The following BTN3A2 variants were observed in gnomAD, a reference collection of about 807,000 sequenced individuals.
BTN3A2 encodes butyrophilin protein.
BTN3A2 carries 25 observed loss-of-function variants against 37.6 expected under a neutral mutation model. The observed-to-expected ratio is 0.66, with a 90% CI of 0.48 to 0.93. BTN3A2 has a LOEUF of 0.93. Ranked by LOEUF, BTN3A2 falls within the 40% of genes least tolerant of loss-of-function variation. The pLI, the probability that BTN3A2 is intolerant of heterozygous loss-of-function variation, is 0.00. For missense variants in BTN3A2, 266 were observed against 410.9 expected (o/e 0.65, Z 3.05); for synonymous variants, 122 against 159.4 (o/e 0.77, Z 1.77).
chr6:26,375,597 G>T (rs1187046693), intron 10 of BTN3A2, 200 bp from the exon 11 acceptor site: 5 of 1,492,580 alleles, frequency 3.3e-6, no homozygotes, highest in Non-Finnish European at 4.5e-6. Flanking sequence ...GATTCCTGGG[G>T]TCCAGAAGAG....
chr6:26,365,266 G>A lies in BTN3A2; in HGVS notation c.-153G>A. On this transcript the variant is annotated 5_prime_UTR_variant, in exon 1 of 11. Coordinates refer to ENST00000377708, the MANE Select transcript of BTN3A2 (RefSeq NM_007047.5). ...TCTTTTTCCTTTCTTCCGGATGAGA[G>A]GCTAAGCCATAATAGAAAGAATGGA... is the stretch of plus-strand genomic sequence containing the variant. The A allele has an allele frequency of 1.3e-6, 2 of 1,511,702 alleles. No individual in the cohort carries two copies. 93.6% of individuals were successfully genotyped at this position (1,511,702 alleles called of 1,614,324 possible).
chr6:26,371,846 T>G (rs1760148315), intron 5 of BTN3A2, among the ~76,000 whole-genome samples: 1 of 152,152 alleles, frequency 6.6e-6, no homozygotes. Flanking sequence ...ACCCAGCTAA[T>G]TTTTGTATTT....
intron 4 of BTN3A2, among the ~76,000 whole-genome samples, chr6:26,369,173 A>T (rs1284047417): frequency 6.6e-6 from 1 of 152,180 alleles, no homozygotes; most frequent in Non-Finnish European, 1.5e-5. Flanking sequence ...AGGACGAGGG[A>T]TAGGAAGCAT....
chr6:26,374,298 G>A (rs769344910), intron 8 of BTN3A2, 29 bp from the exon 9 acceptor site: 4 of 1,584,848 alleles, frequency 2.5e-6, no homozygotes, highest in Non-Finnish European at 3.4e-6. Flanking sequence ...CAGAGTTCTG[G>A]TGACACCTCT....
chr6:26,368,550 C>T lies in BTN3A2; in HGVS notation c.86-15C>T, dbSNP rs1759762803. On this transcript the variant is annotated splice_polypyrimidine_tract_variant and intron_variant, in intron 3 of 10. Coordinates refer to ENST00000377708, the MANE Select transcript of BTN3A2 (RefSeq NM_007047.5). ...TCCAAAACCCTCTGATGGAGCTTCC[C>T]CCTTGTGCTGACAGCTCAGTTTTCT... 2.5e-6 allele frequency: 4 copies of T among 1,613,790 alleles called. No homozygotes were observed. Among genetic ancestry groups the T allele is most frequent in the Non-Finnish European group, 3.4e-6 (4 of 1,179,862 alleles).
At chr6:26,373,586 TAGAAAA>T in intron 8 of BTN3A2, 173 bp downstream of exon 8, 1 of 174,168 alleles carries the variant, frequency 5.7e-6, no homozygotes. Flanking sequence ...TTTTTCTCTC[TAGAAAA>T]AAAAAAAAAA....
Position 26,370,618 on chromosome 6 carries a change from G to A in BTN3A2, c.715+15G>A, listed in dbSNP as rs1219804365. ...TTCCATCGCAGGTCAGTACCTGCTT[G>A]GCCTCAGGTTTTCTGAGCTGAGCTG... On this transcript the variant is annotated intron_variant, in intron 5 of 10. Transcript: ENST00000377708. The A allele has an allele frequency of 6.2e-7, 1 of 1,613,376 alleles. No homozygotes were observed. The highest frequency in any genetic ancestry group is 1.7e-5 in the Admixed American group (1 of 59,994).
Position 26,375,843 on chromosome 6 carries a change from A to G in BTN3A2, c.*81A>G. ...GGCTCCACCTTGTTAAATAAATTGG[A>G]TGTATGGAAAAATAGACTGCAGAAA... On this transcript the variant is annotated 3_prime_UTR_variant, in exon 11 of 11. Coordinates refer to ENST00000377708, the MANE Select transcript of BTN3A2 (RefSeq NM_007047.5). 2.6e-6 allele frequency: 4 copies of G among 1,549,388 alleles called. No individual in the cohort carries two copies. The South Asian group carries it at 3.6e-5, about 14-fold the overall frequency.
Position 26,368,841 on chromosome 6 carries a change from G to A in BTN3A2, c.362G>A (p.Ser121Asn). The change falls in exon 4 of 11, where the codon AGT (serine) becomes AAT (asparagine). Residue 121 changes from serine to asparagine, a missense_variant. Physicochemically the swap from Ser to Asn is conservative, Grantham distance 46. Around this residue, in one of 3 missense-constraint regions of BTN3A2, gnomAD observed 15 missense variants for 101.0 expected, o/e 0.15. Transcript: ENST00000377708. ...LRIHNVTASD[S>N]GKYLCYFQDG... is the part of the protein sequence containing the mutation. Reference sequence around the variant, plus strand: ...ATACACAACGTCACAGCCTCTGACAGTGGAAAGTACTTGTGTTATTTCCAA... The same window carrying A: ...ATACACAACGTCACAGCCTCTGACAATGGAAAGTACTTGTGTTATTTCCAA... 6.2e-7 allele frequency: 1 copy of A among 1,605,798 alleles called. No homozygotes were observed.
Position 26,377,311 on chromosome 6 carries a change from T to C in BTN3A2, c.*1549T>C, listed in dbSNP as rs550626861. ...CACACACTGAAGCACTTTACTGATATTCATTCAATTATTCCATAGGACAGT... is the reference window on the plus strand; with the variant it reads ...CACACACTGAAGCACTTTACTGATACTCATTCAATTATTCCATAGGACAGT... On this transcript the variant is annotated 3_prime_UTR_variant, in exon 11 of 11. Coordinates refer to ENST00000377708, the MANE Select transcript of BTN3A2 (RefSeq NM_007047.5). 15 of 710,798 alleles carry C rather than the reference T, an allele frequency of 2.1e-5. No individual in the cohort carries two copies. The highest frequency in any genetic ancestry group is 3.7e-5 in the Non-Finnish European group (15 of 400,540). 44.0% of individuals were successfully genotyped at this position (710,798 alleles called of 1,614,324 possible). A position where few individuals can be genotyped will look rare whatever the true frequency, so the allele number is the denominator to read the frequency against.
rs539931551 is a variant in BTN3A2, at chr6:26,373,588, G to GAAA, written c.964+193_964+195dup. On this transcript the variant is annotated intron_variant, in intron 8 of 10. Transcript: ENST00000377708. ...AACCACCCAGTGCTTTTTCTCTCTA[G>GAAA]AAAAAAAAAAAAAAAAAAAAGAGGT... 175 of 140,968 alleles carry GAAA rather than the reference G, an allele frequency of 1.2e-3. 1 individual carries two copies. The highest frequency in any genetic ancestry group is 4.3e-3 in the African/African-American group (119 of 27,524). 8.7% of individuals were successfully genotyped at this position (140,968 alleles called of 1,614,324 possible).
At chr6:26,367,155 T>C (rs763454334) in intron 1 of BTN3A2, among the ~76,000 whole-genome samples, 2 of 152,314 alleles carry the variant, frequency 1.3e-5, no homozygotes, top group Non-Finnish European at 2.9e-5. Context: ...ACTTAGTATA[T>C]CTCCATTATC....
Position 26,375,850 on chromosome 6 carries a change from G to C in BTN3A2, c.*88G>C. On this transcript the variant is annotated 3_prime_UTR_variant, in exon 11 of 11. Transcript: ENST00000377708. ...CCTTGTTAAATAAATTGGATGTATG[G>C]AAAAATAGACTGCAGAAAAGGGGAA... 6.5e-7 allele frequency: 1 copy of C among 1,548,762 alleles called. No homozygotes were observed. The highest frequency in any genetic ancestry group is 8.7e-7 in the Non-Finnish European group (1 of 1,144,614).
chr6:26,365,456 G>A, intron 1 of BTN3A2, 104 bp downstream of exon 1: 1 of 1,308,472 alleles, frequency 7.6e-7, no homozygotes, highest in Non-Finnish European at 1.1e-6. Flanking sequence ...TACTCTCCCA[G>A]AGAAAGGGGT....
In BTN3A2 at chr6:26,376,471, T is replaced by C; in HGVS notation, c.*709T>C. ...TCAGGGCAGGCTAGGGACACGGGGT[T>C]CTGGAAGGACCTCCTCAGCATGGCC... is the stretch of plus-strand genomic sequence containing the variant. On this transcript the variant is annotated 3_prime_UTR_variant, in exon 11 of 11. Transcript: ENST00000377708. 9.4e-7 allele frequency: 1 copy of C among 1,060,548 alleles called. No individual in the cohort carries two copies. Among genetic ancestry groups the C allele is most frequent in the Admixed American group, 3.2e-5 (1 of 31,264 alleles). 65.7% of individuals were successfully genotyped at this position (1,060,548 alleles called of 1,614,324 possible).
At chr6:26,367,490 C>T (rs1179026245) in intron 1 of BTN3A2, among the ~76,000 whole-genome samples, 4 of 152,164 alleles carry the variant, frequency 2.6e-5, no homozygotes, top group Admixed American at 2.6e-4. Context: ...ACTTGTAGAG[C>T]CTTTACCTAT....
chr6:26,372,676 G>A, intron 5 of BTN3A2: 1 of 537,972 alleles, frequency 1.9e-6, no homozygotes, highest in Non-Finnish European at 3.2e-6. Flanking sequence ...TTCCATGTGA[G>A]AGGCAGACAT....
rs1760811527 is a variant in BTN3A2, at chr6:26,378,125, T to C, written c.*2363T>C. 1.3e-5 allele frequency: 2 copies of C among 152,278 alleles called. No homozygotes were observed. The highest frequency in any genetic ancestry group is 4.1e-4 in the South Asian group (2 of 4,830). 9.4% of individuals were successfully genotyped at this position (152,278 alleles called of 1,614,324 possible). A position where few individuals can be genotyped will look rare whatever the true frequency, so the allele number is the denominator to read the frequency against. On this transcript the variant is annotated 3_prime_UTR_variant, in exon 11 of 11. Coordinates refer to ENST00000377708, the MANE Select transcript of BTN3A2 (RefSeq NM_007047.5). Reference sequence around the variant, plus strand: ...GTTTTTAATCCCACTATGGACTCAGTCTCCTGGAAAAGGATCTGTCCACTC... The same window carrying C: ...GTTTTTAATCCCACTATGGACTCAGCCTCCTGGAAAAGGATCTGTCCACTC...
At chr6:26,375,767 G>C (rs1760661502) in intron 10 of BTN3A2, 30 bp from the exon 11 acceptor site, 4 of 1,549,656 alleles carry the variant, frequency 2.6e-6, no homozygotes, top group African/African-American at 2.7e-5. Flanking sequence ...TACAGCGCTA[G>C]AGATTCATAT....
Sources: gnomAD v4.1 joint callset for allele counts (sites outside exome capture counted in the v4.1 genomes callset) on GRCh38, gnomAD v4.1.1 for gene constraint, gnomAD v4.1.1 regional missense constraint, MANE v1.5 for transcripts, NCBI Gene and HGNC (gene_info 2026-07-23, HGNC 2026-07-21) for gene names.